Variants in ADARB2 observed in about 807,000 individuals in gnomAD.
ADARB2 encodes adenosine deaminase RNA specific B2 (inactive).
In ADARB2, 25 loss-of-function variants were observed where a neutral mutation model predicts 62.2. The ratio of observed to expected loss-of-function variants is 0.40; its 90% CI spans 0.29 to 0.56. The LOEUF (loss-of-function observed/expected upper bound fraction) is 0.56, where lower values mean the gene tolerates loss of function less well. Among genes scored for constraint, ADARB2 ranks in the 20% least tolerant of loss-of-function variants. The probability of loss-of-function intolerance (pLI) is 0.43; values close to 1 mark genes in which losing one functional copy is unlikely to be tolerated. For synonymous variants in ADARB2, 572 were observed against 500.8 expected, an observed-to-expected ratio of 1.14 and a Z score of -1.90; for missense variants, 1,071 against 1,077.4, an observed-to-expected ratio of 0.99 and a Z score of 0.08.
chr10:1,271,141 C>G, intron 3 of ADARB2, 72 bp from the exon 4 acceptor site: 5 of 1,266,632 alleles, frequency 3.9e-6, no homozygotes, highest in South Asian at 1.3e-5. Context: ...GCACTGTCCT[C>G]CCCGTCCTCA....
intron 1 of ADARB2, among the ~76,000 whole-genome samples, chr10:1,590,448 T>C (rs1833236741): frequency 6.6e-6 from 1 of 152,176 alleles, no homozygotes; most frequent in African/African-American, 2.4e-5. Flanking sequence ...TATATCCACA[T>C]GGTTAAATAA....
intron 1 of ADARB2, among the ~76,000 whole-genome samples, chr10:1,539,218 T>C (rs1052660115): frequency 6.6e-6 from 1 of 152,228 alleles, no homozygotes; most frequent in Non-Finnish European, 1.5e-5. Flanking sequence ...TAACATTTCC[T>C]GAATGCCTTG....
intron 3 of ADARB2, among the ~76,000 whole-genome samples, chr10:1,297,014 C>G (rs1369294585): frequency 6.6e-6 from 1 of 152,124 alleles, no homozygotes; most frequent in Non-Finnish European, 1.5e-5. Flanking sequence ...TTTTCTTTTC[C>G]TCCTATACAA....
chr10:1,226,463 C>T (rs1230238054), intron 6 of ADARB2, among the ~76,000 whole-genome samples: 1 of 152,138 alleles, frequency 6.6e-6, no homozygotes, highest in Non-Finnish European at 1.5e-5. Context: ...GCACTCCATT[C>T]CTTTGGAGGA....
At chr10:1,549,325 C>T (rs559860515) in intron 1 of ADARB2, among the ~76,000 whole-genome samples, 15 of 152,330 alleles carry the variant, frequency 9.8e-5, no homozygotes, top group African/African-American at 3.4e-4. Flanking sequence ...AAAAATTCGA[C>T]TGTCTCTGTT....
At chr10:1,590,742 G>A (rs915867273) in intron 1 of ADARB2, among the ~76,000 whole-genome samples, 1 of 152,330 alleles carries the variant, frequency 6.6e-6, no homozygotes, top group African/African-American at 2.4e-5. Flanking sequence ...TGCCAGAGCC[G>A]GAGAGTCGTG....
rs111597164 is a variant in ADARB2 at position 1,572,814 on chromosome 10, C to T, written c.100+164237G>A. ...CCATCCTGAGCCAGGACTTCCCCTGCGTGGACATTTGCTGCTGGTGCTTCT... is the reference window on the plus strand; with the variant it reads ...CCATCCTGAGCCAGGACTTCCCCTGTGTGGACATTTGCTGCTGGTGCTTCT... On this transcript the variant is annotated intron_variant, in intron 1 of 9. Coordinates refer to ENST00000381312, the MANE Select transcript of ADARB2 (RefSeq NM_018702.4). Among the ~76,000 whole-genome samples, 780 of 152,314 alleles carry T rather than the reference C, an allele frequency of 5.1e-3. 3 individuals carry two copies. The highest frequency in any genetic ancestry group is 0.018 in the African/African-American group (747 of 41,570).
chr10:1,435,429 T>C (rs1830824337), intron 1 of ADARB2, among the ~76,000 whole-genome samples: 1 of 152,164 alleles, frequency 6.6e-6, no homozygotes, highest in African/African-American at 2.4e-5. Context: ...GGGCCTGTGT[T>C]CCTTCCGCTT....
At chr10:1,393,796 A>T (rs1832589728) in intron 1 of ADARB2, among the ~76,000 whole-genome samples, 1 of 152,092 alleles carries the variant, frequency 6.6e-6, no homozygotes, top group Admixed American at 6.5e-5. Flanking sequence ...GGTCCTTCAA[A>T]TGATTGATGG....
chr10:1,649,300 A>G (rs940190260), intron 1 of ADARB2, among the ~76,000 whole-genome samples: 3 of 152,204 alleles, frequency 2.0e-5, no homozygotes, highest in Non-Finnish European at 4.4e-5. Context: ...GAATCAGGGA[A>G]TTTGAAGGGA....
At chr10:1,351,480 C>T (rs1331227619) in intron 3 of ADARB2, among the ~76,000 whole-genome samples, 1 of 151,872 alleles carries the variant, frequency 6.6e-6, no homozygotes, top group Non-Finnish European at 1.5e-5. Context: ...TTTTAGTTAT[C>T]CCCACCTGCC....
At chr10:1,189,906 A>C (rs1554742070) in intron 8 of ADARB2, among the ~76,000 whole-genome samples, 4 of 144,414 alleles carry the variant, frequency 2.8e-5, no homozygotes, top group Admixed American at 1.4e-4. Context: ...CTCCTTCCCC[A>C]GAACACGTGG....
rs903076139 is a variant in ADARB2, at chr10:1,718,562, C to T, written c.100+18489G>A. 5.3e-5 allele frequency among the ~76,000 whole-genome samples: 8 copies of T among 152,226 alleles called. No homozygotes were observed. In the East Asian group the frequency reaches 9.6e-4, roughly 18 times the overall value. On this transcript the variant is annotated intron_variant, in intron 1 of 9. Coordinates refer to ENST00000381312, the MANE Select transcript of ADARB2 (RefSeq NM_018702.4). ...CTGGGCTGTCCTGTACCTCCTGCCC[C>T]GCCTCCATGTCTGAGCATTGCCCCT...
intron 5 of ADARB2, among the ~76,000 whole-genome samples, chr10:1,241,611 C>G (rs192968707): frequency 2.6e-5 from 4 of 152,176 alleles, no homozygotes; most frequent in Admixed American, 6.5e-5. Flanking sequence ...GGAGGCTGCC[C>G]CATGACAGCC....
intron 7 of ADARB2, among the ~76,000 whole-genome samples, chr10:1,200,732 A>C (rs575317803): frequency 2.0e-5 from 3 of 152,316 alleles, no homozygotes; most frequent in Admixed American, 6.5e-5. Context: ...CCTCAAGCAA[A>C]AATGCCAAGA....
Position 1,181,511 on chromosome 10 carries a change from C to A in ADARB2, c.*1682G>T, listed in dbSNP as rs1836675247. The A allele has an allele frequency of 1.3e-5, 2 of 152,306 alleles. No individual in the cohort carries two copies. Among genetic ancestry groups the A allele is most frequent in the African/African-American group, 4.8e-5 (2 of 41,558 alleles). The allele number at this position is 152,306 out of a possible 1,614,324, so 9.4% of individuals were successfully genotyped here. ...AAAGAACTCGAGTGATAAATTTGGC[C>A]TGATTTTAAATCCCAGGAAAAGTTT... is the stretch of plus-strand genomic sequence containing the variant. On this transcript the variant is annotated 3_prime_UTR_variant, in exon 10 of 10. Coordinates refer to ENST00000381312, the MANE Select transcript of ADARB2 (RefSeq NM_018702.4).
At chr10:1,499,644 C>T (rs1831739731) in intron 1 of ADARB2, among the ~76,000 whole-genome samples, 1 of 151,212 alleles carries the variant, frequency 6.6e-6, no homozygotes, top group Admixed American at 6.6e-5. Context: ...CATTCATCAC[C>T]CACCACTCAC....
At chr10:1,524,381 T>C (rs968610371) in intron 1 of ADARB2, among the ~76,000 whole-genome samples, 1 of 152,156 alleles carries the variant, frequency 6.6e-6, no homozygotes, top group African/African-American at 2.4e-5. Flanking sequence ...AGAAAATAAT[T>C]AGAGTTCCTT....
chr10:1,478,770 G>A lies in ADARB2; in HGVS notation c.101-99610C>T, dbSNP rs145829039. On this transcript the variant is annotated intron_variant, in intron 1 of 9. Transcript: ENST00000381312. ...AACAAGGACCCTCGGATGGGAGAGCGCCAAAATAAGGACCCTTGGACGGGA... is the reference window on the plus strand; with the variant it reads ...AACAAGGACCCTCGGATGGGAGAGCACCAAAATAAGGACCCTTGGACGGGA... 4.6e-3 allele frequency among the ~76,000 whole-genome samples: 665 copies of A among 144,072 alleles called. 8 individuals are homozygous for A. Among genetic ancestry groups the A allele is most frequent in the African/African-American group, 0.016 (608 of 38,736 alleles). 94.5% of individuals were successfully genotyped at this position (144,072 alleles called of 152,430 possible). A position where few individuals can be genotyped will look rare whatever the true frequency, so the allele number is the denominator to read the frequency against.
Sources: allele counts gnomAD v4.1 joint callset (sites outside exome capture counted in the v4.1 genomes callset), GRCh38; gene constraint gnomAD v4.1.1; transcripts MANE v1.5; gene names NCBI Gene and HGNC (gene_info 2026-07-23, HGNC 2026-07-21).